Variants in ABCA13 observed in about 807,000 individuals in gnomAD.
The protein encoded by ABCA13 is ATP binding cassette subfamily A member 13.
ABCA13 carries 476 observed loss-of-function variants against 478.7 expected under a neutral mutation model. That is an observed-to-expected ratio of 0.99 (90% CI 0.92 to 1.07). The LOEUF (loss-of-function observed/expected upper bound fraction) is 1.07. Ranked by LOEUF, ABCA13 falls within the 50% of genes least tolerant of loss-of-function variation. ABCA13 has a pLI of 0.00. For synonymous variants in ABCA13, 2,252 were observed against 2,158.9 expected, an observed-to-expected ratio of 1.04 and a Z score of -1.20; for missense variants, 6,060 against 5,910.6, an observed-to-expected ratio of 1.03 and a Z score of -0.83.
At chr7:48,429,356 C>G (rs1375346091) in intron 42 of ABCA13, among the ~76,000 whole-genome samples, 3 of 152,200 alleles carry the variant, frequency 2.0e-5, no homozygotes, top group Admixed American at 6.5e-5. Context: ...AGACTGTCAT[C>G]TAAAGTGATC....
intron 55 of ABCA13, among the ~76,000 whole-genome samples, chr7:48,578,213 C>G (rs1298250350): frequency 6.6e-6 from 1 of 152,014 alleles, no homozygotes; most frequent in Non-Finnish European, 1.5e-5. Flanking sequence ...GCAAGCAGTC[C>G]TACGTAATGC....
At chr7:48,213,326 T>G (rs1678715553) in intron 3 of ABCA13, among the ~76,000 whole-genome samples, 1 of 152,224 alleles carries the variant, frequency 6.6e-6, no homozygotes, top group African/African-American at 2.4e-5. Flanking sequence ...GTCACATAAA[T>G]TTTTTAGTTT....
rs191775324 is a variant in ABCA13, at chr7:48,413,826, C to G, written c.12459+1243C>G. 6.3e-4 allele frequency among the ~76,000 whole-genome samples: 96 copies of G among 152,310 alleles called. 1 individual carries two copies. Among genetic ancestry groups the G allele is most frequent in the African/African-American group, 2.2e-3 (93 of 41,580 alleles). ...TTTTATACATAGAATGTATTTGGTT[C>G]CCCTGAAACTCCGTAACTTATTATT... On this transcript the variant is annotated intron_variant, in intron 41 of 61. Transcript: ENST00000435803.
At chr7:48,374,544 A>G in intron 34 of ABCA13, 128 bp downstream of exon 34, 1 of 856,086 alleles carries the variant, frequency 1.2e-6, no homozygotes, top group Non-Finnish European at 1.8e-6. Context: ...AGGTTTGGAT[A>G]TTTGCTTTCA....
intron 45 of ABCA13, among the ~76,000 whole-genome samples, chr7:48,479,313 C>T (rs1828509532): frequency 6.6e-6 from 1 of 152,128 alleles, no homozygotes; most frequent in Admixed American, 6.5e-5. Context: ...TCTTGGCTCA[C>T]TGCAACCTCC....
In ABCA13 at chr7:48,326,646, A is replaced by G. The variant is rs577484117; in HGVS notation, c.10000-8776A>G. On this transcript the variant is annotated intron_variant, in intron 27 of 61. Transcript: ENST00000435803. ...GTAAGTAACCTTATCAAAAGCTGTCAACAGGAGGCAGAGATGGGATTTGAA... is the reference window on the plus strand; with the variant it reads ...GTAAGTAACCTTATCAAAAGCTGTCGACAGGAGGCAGAGATGGGATTTGAA... Among the ~76,000 whole-genome samples the G allele has an allele frequency of 3.9e-5, 6 of 152,350 alleles. No homozygotes were observed. In the East Asian group the frequency reaches 1.2e-3, roughly 29 times the overall value.
At chr7:48,429,878 A>G (rs1821908146) in intron 42 of ABCA13, among the ~76,000 whole-genome samples, 2 of 152,156 alleles carry the variant, frequency 1.3e-5, no homozygotes, top group Admixed American at 1.3e-4. Flanking sequence ...GGTAGTTAAA[A>G]CAACATTGCA....
At chr7:48,334,389 C>A (rs1407922273) in intron 27 of ABCA13, among the ~76,000 whole-genome samples, 1 of 150,670 alleles carries the variant, frequency 6.6e-6, no homozygotes, top group Non-Finnish European at 1.5e-5. Flanking sequence ...GGTTGGAGCA[C>A]AGTGGTGCAA....
chr7:48,234,229 T>C, intron 8 of ABCA13, 78 bp downstream of exon 8: 1 of 1,606,372 alleles, frequency 6.2e-7, no homozygotes, highest in Non-Finnish European at 8.5e-7. Flanking sequence ...TGGGGCAGGG[T>C]GAGCGGGTGC....
At position 48,644,847 on chromosome 7, in the gene ABCA13, T is replaced by TCAC. The variant is rs1344637062; in HGVS notation, c.15081+97_15081+99dup. The stretch of plus-strand genomic sequence containing the variant: ...TTAAAATTAATCGAATTGCTTCAAT[T>TCAC]CACCACTTTATTCAATTCATCTTGT... On this transcript the variant is annotated intron_variant, in intron 61 of 61. Transcript: ENST00000435803. 5.6e-6 allele frequency: 7 copies of TCAC among 1,256,872 alleles called. No homozygotes were observed. In the African/African-American group the frequency reaches 1.1e-4, roughly 19 times the overall value. 77.9% of individuals were successfully genotyped at this position (1,256,872 alleles called of 1,614,324 possible). A position where few individuals can be genotyped will look rare whatever the true frequency, so the allele number is the denominator to read the frequency against.
chr7:48,430,672 T>TG (rs569034906), intron 42 of ABCA13, among the ~76,000 whole-genome samples: 1 of 122,840 alleles, frequency 8.1e-6, no homozygotes, highest in Non-Finnish European at 1.7e-5. Flanking sequence ...AGACTCCGTC[T>TG]AAAAAAAAAA....
intron 23 of ABCA13, among the ~76,000 whole-genome samples, chr7:48,303,208 T>G (rs1200942224): frequency 6.6e-6 from 1 of 152,168 alleles, no homozygotes; most frequent in African/African-American, 2.4e-5. Flanking sequence ...TTGTAAATTT[T>G]TTTTAAGTTC....
At chr7:48,452,060 A>G (rs1329643759) in intron 42 of ABCA13, among the ~76,000 whole-genome samples, 1 of 152,232 alleles carries the variant, frequency 6.6e-6, no homozygotes, top group African/African-American at 2.4e-5. Flanking sequence ...AAACTATATT[A>G]GCCCTTTATT....
intron 30 of ABCA13, among the ~76,000 whole-genome samples, 160 bp downstream of exon 30, chr7:48,350,979 A>G (rs1450328884): frequency 6.6e-6 from 1 of 152,252 alleles, no homozygotes; most frequent in Non-Finnish European, 1.5e-5. Flanking sequence ...CCTTGGATAA[A>G]ACATAAAATG....
rs4022355 is a variant in ABCA13 at position 48,422,055 on chromosome 7, C to CAAAAAAA, written c.12460-5688_12460-5682dup. 6.6e-3 allele frequency among the ~76,000 whole-genome samples: 531 copies of CAAAAAAA among 80,404 alleles called. 1 individual carries two copies. Among genetic ancestry groups the CAAAAAAA allele is most frequent in the Non-Finnish European group, 7.9e-3 (331 of 41,728 alleles). The allele number at this position is 80,404 out of a possible 152,430, so 52.7% of individuals were successfully genotyped here. A position where few individuals can be genotyped will look rare whatever the true frequency, so the allele number is the denominator to read the frequency against. On this transcript the variant is annotated intron_variant, in intron 41 of 61. Coordinates refer to ENST00000435803, the MANE Select transcript of ABCA13 (RefSeq NM_152701.5). Reference sequence around the variant, plus strand: ...AAACCCTAATCTGGTGTCTTTCTTACAAAAAAAAAAAAAAAAAAAAAAAAA... The same window carrying CAAAAAAA: ...AAACCCTAATCTGGTGTCTTTCTTACAAAAAAAAAAAAAAAAAAAAAAAAAAAAAAAA...
chr7:48,476,339 C>G (rs1304655849), intron 45 of ABCA13, among the ~76,000 whole-genome samples: 1 of 152,184 alleles, frequency 6.6e-6, no homozygotes, highest in Non-Finnish European at 1.5e-5. Flanking sequence ...AGCAAAAGGG[C>G]CTGGCTGCTC....
chr7:48,300,263 A>T (rs965939613), intron 23 of ABCA13, among the ~76,000 whole-genome samples: 14 of 152,346 alleles, frequency 9.2e-5, no homozygotes, highest in Admixed American at 7.8e-4. Context: ...AATACTCTTC[A>T]GTGGTGCTAA....
intron 55 of ABCA13, among the ~76,000 whole-genome samples, chr7:48,576,661 A>G (rs542014683): frequency 5.9e-5 from 9 of 152,284 alleles, no homozygotes; most frequent in African/African-American, 1.9e-4. Flanking sequence ...CCTGTGTAAT[A>G]ACCAGGGACT....
chr7:48,534,564 C>T (rs1833445623), intron 55 of ABCA13, among the ~76,000 whole-genome samples: 1 of 152,236 alleles, frequency 6.6e-6, no homozygotes, highest in African/African-American at 2.4e-5. Flanking sequence ...CTAGCAAGGC[C>T]AGGGAAGTTT....
Sources: allele counts gnomAD v4.1 joint callset (sites outside exome capture counted in the v4.1 genomes callset), GRCh38; gene constraint gnomAD v4.1.1; transcripts MANE v1.5; gene names NCBI Gene and HGNC (gene_info 2026-07-23, HGNC 2026-07-21).